ME3: variants seen among roughly 807,000 people sequenced by gnomAD.
ME3 encodes the protein malic enzyme 3.
A neutral mutation model predicts 68.9 loss-of-function variants in ME3; 48 were observed. The ratio of observed to expected loss-of-function variants is 0.70; its 90% CI spans 0.55 to 0.89. The LOEUF (loss-of-function observed/expected upper bound fraction) is 0.89, where lower values mean the gene tolerates loss of function less well. ME3 is among the 40% of genes least tolerant of loss of function. The pLI is 0.00. For synonymous variants in ME3, 320 were observed against 318.8 expected (o/e 1.00, Z -0.04); for missense variants, 675 against 797.4 (o/e 0.85, Z 1.85).
intron 2 of ME3, chr11:86,622,817 T>G (rs2135274284): frequency 6.6e-6 from 1 of 152,124 alleles, no homozygotes; most frequent in South Asian, 2.1e-4. Flanking sequence ...TCTTCGAAGC[T>G]TTGTCTTTGA....
chr11:86,540,640 C>A (rs1955986836), intron 4 of ME3, among the ~76,000 whole-genome samples: 1 of 152,140 alleles, frequency 6.6e-6, no homozygotes, highest in African/African-American at 2.4e-5. Context: ...CACTTCAGAG[C>A]ACAAAGTAAA....
chr11:86,472,825 G>C (rs1161843986), intron 7 of ME3, among the ~76,000 whole-genome samples: 5 of 152,214 alleles, frequency 3.3e-5, no homozygotes, highest in Non-Finnish European at 7.3e-5. Context: ...AGATGAATGA[G>C]AAGGAGGAGC....
chr11:86,520,535 C>T (rs374828647), intron 4 of ME3, among the ~76,000 whole-genome samples: 1 of 124,884 alleles, frequency 8.0e-6, no homozygotes. Flanking sequence ...ACAAGCGGGC[C>T]CAGAATGGCT....
At chr11:86,572,157 G>T (rs115262439) in intron 2 of ME3, among the ~76,000 whole-genome samples, 2,756 of 152,260 alleles carry the variant, frequency 0.018, 83 homozygotes, top group African/African-American at 0.06. Context: ...CAACTAGCAC[G>T]TCTCACAGCT....
chr11:86,583,458 A>G (rs112299066), intron 2 of ME3, among the ~76,000 whole-genome samples: 2 of 152,206 alleles, frequency 1.3e-5, no homozygotes, highest in African/African-American at 4.8e-5. Context: ...TAGGGCATCT[A>G]CTTTGTATAA....
At chr11:86,498,002 C>G in exon 6 of ME3, 2 of 1,611,272 alleles carry the variant, frequency 1.2e-6, no homozygotes, top group Non-Finnish European at 1.7e-6. Context: ...CAGGGAGGCA[C>G]TGCTGCGGGT....
chr11:86,607,712 A>T (rs1343256518), intron 2 of ME3, among the ~76,000 whole-genome samples: 2 of 147,702 alleles, frequency 1.4e-5, no homozygotes, highest in Non-Finnish European at 3.0e-5. Flanking sequence ...TTTTAAAAGA[A>T]ATATATATAT....
chr11:86,660,570 T>C (rs112928975), intron 2 of ME3, among the ~76,000 whole-genome samples: 103 of 152,278 alleles, frequency 6.8e-4, no homozygotes, highest in Middle Eastern at 6.8e-3. Flanking sequence ...TCTTAGATTG[T>C]TCTGAGTGTA....
At chr11:86,520,846 A>G (rs1954220265) in intron 4 of ME3, among the ~76,000 whole-genome samples, 1 of 152,334 alleles carries the variant, frequency 6.6e-6, no homozygotes, top group South Asian at 2.1e-4. Flanking sequence ...TTCTACGACT[A>G]TATCTAACTA....
At chr11:86,612,978 T>C (rs1286350062) in intron 2 of ME3, among the ~76,000 whole-genome samples, 2 of 152,206 alleles carry the variant, frequency 1.3e-5, no homozygotes, top group Non-Finnish European at 2.9e-5. Flanking sequence ...TCATGAAGTC[T>C]TTGCCCATGC....
At chr11:86,671,735 G>A (rs757658845) in intron 2 of ME3, 27 bp downstream of exon 2, 13 of 1,593,914 alleles carry the variant, frequency 8.2e-6, no homozygotes, top group South Asian at 6.8e-5. Flanking sequence ...ATCGCAACGC[G>A]GGCCGTCCTG....
At chr11:86,621,309 T>C (rs541954772) in intron 2 of ME3, among the ~76,000 whole-genome samples, 16 of 152,346 alleles carry the variant, frequency 1.1e-4, no homozygotes, top group Middle Eastern at 3.4e-3. Flanking sequence ...ACATTGTTTT[T>C]ATTGGCATAG....
intron 8 of ME3, among the ~76,000 whole-genome samples, chr11:86,451,415 A>G (rs767135363): frequency 6.6e-6 from 1 of 152,230 alleles, no homozygotes; most frequent in African/African-American, 2.4e-5. Flanking sequence ...GGCATGACCT[A>G]TGTATGTTAG....
chr11:86,560,748 G>GTGTATATATATATATATATATATATATA (rs1243025217), intron 2 of ME3, among the ~76,000 whole-genome samples: 22 of 62,506 alleles, frequency 3.5e-4, no homozygotes, highest in African/African-American at 1.2e-3. Flanking sequence ...GTGTGTGTGT[G>GTGTATATATATATATATATATATATATA]TATATATATA....
At chr11:86,538,701 G>A (rs1955849148) in intron 4 of ME3, among the ~76,000 whole-genome samples, 1 of 152,034 alleles carries the variant, frequency 6.6e-6, no homozygotes, top group African/African-American at 2.4e-5. Flanking sequence ...TTCCCTGTGG[G>A]CTCTCCTCTT....
At chr11:86,671,354 T>G (rs1265117294) in intron 2 of ME3, among the ~76,000 whole-genome samples, 3 of 152,180 alleles carry the variant, frequency 2.0e-5, no homozygotes, top group African/African-American at 7.2e-5. Flanking sequence ...CTACCCGCAT[T>G]TTCTCTTTAG....
At chr11:86,601,851 A>G (rs1264076129) in intron 2 of ME3, among the ~76,000 whole-genome samples, 2 of 150,962 alleles carry the variant, frequency 1.3e-5, no homozygotes, top group Non-Finnish European at 1.5e-5. Context: ...AAAGACAAAA[A>G]CCACATGATT....
At chr11:86,611,608 G>C (rs1421682194) in intron 2 of ME3, among the ~76,000 whole-genome samples, 1 of 48,166 alleles carries the variant, frequency 2.1e-5, no homozygotes, top group Non-Finnish European at 4.2e-5. Context: ...AATAAAGTGG[G>C]GGGGGGGGGA....
intron 2 of ME3, among the ~76,000 whole-genome samples, chr11:86,609,927 T>G (rs1199822444): frequency 6.6e-6 from 1 of 152,154 alleles, no homozygotes; most frequent in African/African-American, 2.4e-5. Flanking sequence ...ACTCAACACA[T>G]TATGCACCAG....
Sources: allele counts gnomAD v4.1 joint callset (sites outside exome capture counted in the v4.1 genomes callset), GRCh38; gene constraint gnomAD v4.1.1; transcripts MANE v1.5; gene names NCBI Gene and HGNC (gene_info 2026-07-23, HGNC 2026-07-21).